ANKRD36B: variants seen among roughly 807,000 people sequenced by gnomAD.
The protein encoded by ANKRD36B is ankyrin repeat domain 36B, also known as ankyrin repeat domain-containing protein 36B.
ANKRD36B carries 37 observed loss-of-function variants against 135.7 expected under a neutral mutation model. The ratio of observed to expected loss-of-function variants is 0.27; its 90% CI spans 0.21 to 0.36. The LOEUF (loss-of-function observed/expected upper bound fraction) is 0.36, where lower values mean the gene tolerates loss of function less well. Ranked by LOEUF, ANKRD36B falls within the 10% of genes least tolerant of loss-of-function variation. The pLI is 1.00. For synonymous variants in ANKRD36B, 179 were observed against 348.1 expected (o/e 0.51, Z 5.41); for missense variants, 549 against 1,037.1 (o/e 0.53, Z 6.46).
chr2:97,551,239 A>C (rs528346940), intron 18 of ANKRD36B, 50 bp downstream of exon 18: 2 of 1,535,024 alleles, frequency 1.3e-6, no homozygotes, highest in Non-Finnish European at 1.7e-6. Flanking sequence ...CGGGGAAGAG[A>C]ACTTCTTATC....
At chr2:97,578,266 T>C (rs1395193261) in intron 5 of ANKRD36B, among the ~76,000 whole-genome samples, 1 of 152,042 alleles carries the variant, frequency 6.6e-6, no homozygotes, top group Non-Finnish European at 1.5e-5. Flanking sequence ...TTTGAAGCCT[T>C]TTTATGGATC....
chr2:97,580,740 A>C (rs2082582290), intron 3 of ANKRD36B, among the ~76,000 whole-genome samples, 172 bp from the exon 4 acceptor site: 5 of 126,412 alleles, frequency 4.0e-5, no homozygotes, highest in Admixed American at 2.6e-4. Context: ...CTTCCCCTGG[A>C]AACAACCTCC....
At position 97,547,523 on chromosome 2, in the gene ANKRD36B, T is replaced by C. The variant is rs1358877530; in HGVS notation, c.1579+13A>G. Reference sequence around the variant, plus strand: ...CGGACTGAACATGACATTAAATCTCTTTTCAAAATTACCTCTCCTAGTTTT... The same window carrying C: ...CGGACTGAACATGACATTAAATCTCCTTTCAAAATTACCTCTCCTAGTTTT... On this transcript the variant is annotated intron_variant, in intron 22 of 43. Coordinates refer to ENST00000359901, the MANE Select transcript of ANKRD36B (RefSeq NM_001393939.1). 3 of 1,536,024 alleles carry C rather than the reference T, an allele frequency of 2.0e-6. No homozygotes were observed. The highest frequency in any genetic ancestry group is 4.6e-5 in the East Asian group (2 of 43,116).
intron 34 of ANKRD36B, among the ~76,000 whole-genome samples, chr2:97,535,584 T>A (rs2078843390): frequency 9.0e-6 from 1 of 110,770 alleles, no homozygotes; most frequent in African/African-American, 2.6e-5. Flanking sequence ...CCAATAAAAG[T>A]TAAAACAAAA....
intron 8 of ANKRD36B, among the ~76,000 whole-genome samples, chr2:97,560,097 A>G (rs2080886147): frequency 6.6e-6 from 1 of 151,884 alleles, no homozygotes; most frequent in African/African-American, 2.4e-5. Flanking sequence ...TCTTTTATGC[A>G]AATATTCCAA....
intron 35 of ANKRD36B, chr2:97,524,972 T>C (rs562692629): frequency 1.0e-5 from 1 of 97,560 alleles, no homozygotes; most frequent in South Asian, 2.3e-4. Context: ...AGATGTCTTT[T>C]CTGTCAGAGT....
In ANKRD36B at chr2:97,558,757, A is replaced by G. The variant is rs760497648; in HGVS notation, c.967+42T>C. ...ATTCGGGGAAGAGAAGTACTTTTCTATCTTGACTGAACATGACATTAAATG... is the reference window on the plus strand; with the variant it reads ...ATTCGGGGAAGAGAAGTACTTTTCTGTCTTGACTGAACATGACATTAAATG... On this transcript the variant is annotated intron_variant, in intron 10 of 43. Transcript: ENST00000359901. The G allele has an allele frequency of 3.6e-5, 58 of 1,608,508 alleles. No homozygotes were observed. In the Middle Eastern group the frequency reaches 5.1e-4, roughly 14 times the overall value.
intron 34 of ANKRD36B, among the ~76,000 whole-genome samples, chr2:97,534,005 G>A (rs2078733382): frequency 1.1e-5 from 1 of 90,204 alleles, no homozygotes. Context: ...GCAATGAGCC[G>A]AGATTGTGCC....
Position 97,533,109 on chromosome 2 carries a change from T to A in ANKRD36B, c.2192-725A>T, listed in dbSNP as rs1344535503. On this transcript the variant is annotated intron_variant, in intron 34 of 43. Coordinates refer to ENST00000359901, the MANE Select transcript of ANKRD36B (RefSeq NM_001393939.1). ...CTGCTACTGTTTACACTTTCATCAA[T>A]GTACAGTCTCTTCTTTATATCTAAA... Among the ~76,000 whole-genome samples the A allele has an allele frequency of 4.1e-5, 4 of 97,404 alleles. 2 individuals carry two copies. Among genetic ancestry groups the A allele is most frequent in the Non-Finnish European group, 1.1e-4 (4 of 36,578 alleles). 63.9% of individuals were successfully genotyped at this position (97,404 alleles called of 152,430 possible).
At chr2:97,561,465 C>T (rs2595337) in intron 6 of ANKRD36B, among the ~76,000 whole-genome samples, 4 of 151,250 alleles carry the variant, frequency 2.6e-5, no homozygotes, top group Admixed American at 6.6e-5. Context: ...AATGTGCCTA[C>T]ATCTCTTGTA....
chr2:97,568,436 G>A (rs2081601838), intron 6 of ANKRD36B, among the ~76,000 whole-genome samples: 1 of 152,134 alleles, frequency 6.6e-6, no homozygotes. Context: ...CAATGCAGAA[G>A]AGCCTAAGAG....
chr2:97,580,567 T>C lies in ANKRD36B; in HGVS notation c.452A>G (p.Asn151Ser), dbSNP rs2922615. 8.4e-6 allele frequency: 13 copies of C among 1,539,660 alleles called. No individual in the cohort carries two copies. Among genetic ancestry groups the C allele is most frequent in the African/African-American group, 1.4e-5 (1 of 72,432 alleles). ...AGCAAGTAACAGTGGCTGATATTCA[T>C]TCTGTAAAATAACAGCAACAATTTA... ...HGTNIEECSK[N>S]EYQPLLLAVS... The change falls in exon 4 of 44, where the codon AAT becomes AGT. Residue 151 changes from asparagine to serine, a missense_variant and splice_region_variant. Asn to Ser is a conservative substitution (Grantham distance 46). Transcript: ENST00000359901.
intron 6 of ANKRD36B, among the ~76,000 whole-genome samples, chr2:97,563,258 A>G (rs2081182755): frequency 6.6e-6 from 1 of 151,966 alleles, no homozygotes; most frequent in Non-Finnish European, 1.5e-5. Flanking sequence ...TCAGTAATTG[A>G]CATGAAAAAT....
chr2:97,551,636 A>G (rs192211646), intron 16 of ANKRD36B, among the ~76,000 whole-genome samples, 156 bp from the exon 17 acceptor site: 62 of 152,074 alleles, frequency 4.1e-4, no homozygotes, highest in Admixed American at 1.7e-3. Context: ...AACATGACAG[A>G]AATACACTGA....
intron 6 of ANKRD36B, among the ~76,000 whole-genome samples, chr2:97,563,958 T>A (rs1269044598): frequency 6.7e-6 from 1 of 150,238 alleles, no homozygotes; most frequent in African/African-American, 2.4e-5. Context: ...ATACAATAAA[T>A]CAAATACCTC....
rs540472944 is a variant in ANKRD36B, at chr2:97,572,061, C to T, written c.763+4318G>A. 2.6e-5 allele frequency among the ~76,000 whole-genome samples: 4 copies of T among 152,058 alleles called. No homozygotes were observed. In the East Asian group the frequency reaches 7.7e-4, roughly 29 times the overall value. On this transcript the variant is annotated intron_variant, in intron 6 of 43. Transcript: ENST00000359901. ...GCTGAGGCAGGAGGATCACTTGAAG[C>T]CAAAAGTTTGAGACTGGCCTGGGCA...
chr2:97,558,359 T>G (rs1321846490), intron 10 of ANKRD36B, among the ~76,000 whole-genome samples: 1 of 152,012 alleles, frequency 6.6e-6, no homozygotes, highest in East Asian at 1.9e-4. Context: ...TCCTCTTCCT[T>G]GAGGAAAGTC....
rs2078992106 is a variant in ANKRD36B at position 97,538,291 on chromosome 2, G to T, written c.2016+44C>A. ...TCAATACATAATATATATTTCATAG[G>T]CTATGCAATAAATAATTCAAAATAT... On this transcript the variant is annotated intron_variant, in intron 31 of 43. Transcript: ENST00000359901. 3.1e-6 allele frequency: 3 copies of T among 968,254 alleles called. No individual in the cohort carries two copies. The East Asian group carries it at 8.3e-5, about 27-fold the overall frequency. The allele number at this position is 968,254 out of a possible 1,614,324, so 60.0% of individuals were successfully genotyped here.
intron 6 of ANKRD36B, among the ~76,000 whole-genome samples, chr2:97,564,151 TC>T (rs1283393133): frequency 6.6e-5 from 10 of 151,836 alleles, no homozygotes; most frequent in African/African-American, 2.2e-4. Flanking sequence ...TTGGGTGATT[TC>T]TTTTGCTTTT....
Sources: allele counts gnomAD v4.1 joint callset (sites outside exome capture counted in the v4.1 genomes callset), GRCh38; gene constraint gnomAD v4.1.1; transcripts MANE v1.5; gene names NCBI Gene and HGNC (gene_info 2026-07-23, HGNC 2026-07-21).